DIP2C: variants seen among roughly 807,000 people sequenced by gnomAD.
DIP2C encodes disco-interacting protein 2 homolog C.
Under a neutral mutation model 192.4 loss-of-function variants are expected in DIP2C, and 33 were observed. That is an observed-to-expected ratio of 0.17 (90% CI 0.13 to 0.23). The LOEUF (loss-of-function observed/expected upper bound fraction) is 0.23. DIP2C is among the 10% of genes least tolerant of loss of function. The pLI, the probability that DIP2C is intolerant of heterozygous loss-of-function variation, is 1.00. For missense variants in DIP2C, 1,537 were observed against 2,110.1 expected, an observed-to-expected ratio of 0.73 and a Z score of 5.32; for synonymous variants, 979 against 864.1, an observed-to-expected ratio of 1.13 and a Z score of -2.33.
intron 1 of DIP2C, among the ~76,000 whole-genome samples, chr10:570,817 C>T (rs945293490): frequency 1.3e-5 from 2 of 152,226 alleles, no homozygotes; most frequent in African/African-American, 4.8e-5. Context: ...ACAACATTTC[C>T]ATTTGAAGAA....
intron 10 of DIP2C, among the ~76,000 whole-genome samples, chr10:391,199 G>A (rs1030459950): frequency 6.6e-6 from 1 of 152,222 alleles, no homozygotes; most frequent in African/African-American, 2.4e-5. Context: ...ATAAGACTAT[G>A]ATTATACAAT....
chr10:417,860 T>G lies in DIP2C; in HGVS notation c.739+1205A>C, dbSNP rs866792440. ...CCTGTCCACCTGCACCTGTCAGAGC[T>G]CGGACAGGCCTCCCTGTCCACCTGC... On this transcript the variant is annotated intron_variant, in intron 6 of 36. Coordinates refer to ENST00000280886, the MANE Select transcript of DIP2C (RefSeq NM_014974.3). 9.4e-4 allele frequency among the ~76,000 whole-genome samples: 77 copies of G among 82,340 alleles called. 4 individuals carry two copies. The highest frequency in any genetic ancestry group is 3.4e-3 in the African/African-American group (51 of 15,192). 54.0% of individuals were successfully genotyped at this position (82,340 alleles called of 152,430 possible).
chr10:299,048 A>C (rs1408111591), intron 32 of DIP2C, among the ~76,000 whole-genome samples: 1 of 152,254 alleles, frequency 6.6e-6, no homozygotes. Context: ...CAAGAATGAA[A>C]ACAGTATAAA....
chr10:460,334 T>C (rs1162532612), intron 3 of DIP2C, among the ~76,000 whole-genome samples: 7 of 152,182 alleles, frequency 4.6e-5, no homozygotes, highest in Admixed American at 3.9e-4. Flanking sequence ...TCCAATACAT[T>C]CTAGGTGCTC....
In DIP2C at chr10:281,300, C is replaced by T. The variant is rs1564499793; in HGVS notation, c.4318G>A (p.Val1440Ile). The change falls in exon 36 of 37, where the codon GTA (valine) becomes ATA (isoleucine). Residue 1440 changes from valine to isoleucine, a missense_variant. Coordinates refer to ENST00000280886, the MANE Select transcript of DIP2C (RefSeq NM_014974.3). ...TCCATGGCTTCGTCCAGTGCCCCTA[C>T]CACGTAGAGGGCATCATGGCGCTCT... ...NGERHDALYVVGALDEAMELR... is the reference protein window; with the variant it reads ...NGERHDALYVIGALDEAMELR... The T allele has an allele frequency of 6.2e-7, 1 of 1,614,034 alleles. No individual in the cohort carries two copies. The highest frequency in any genetic ancestry group is 8.5e-7 in the Non-Finnish European group (1 of 1,179,904).
chr10:417,994 AC>A lies in DIP2C; in HGVS notation c.739+1070del, dbSNP rs879248576. On this transcript the variant is annotated intron_variant, in intron 6 of 36. Transcript: ENST00000280886. The stretch of plus-strand genomic sequence containing the variant: ...AGGGCTCGGATAGGCCTCCCTGTCC[AC>A]CTGCACCTGTCAGGGCGCGGACAGG... 1.8e-3 allele frequency among the ~76,000 whole-genome samples: 147 copies of A among 79,942 alleles called. 1 individual carries two copies. Among genetic ancestry groups the A allele is most frequent in the South Asian group, 3.1e-3 (6 of 1,946 alleles). 52.4% of individuals were successfully genotyped at this position (79,942 alleles called of 152,430 possible). A position where few individuals can be genotyped will look rare whatever the true frequency, so the allele number is the denominator to read the frequency against.
chr10:347,968 A>ACCCCACACTCACCCAGACG (rs1958597301), intron 26 of DIP2C, among the ~76,000 whole-genome samples: 1 of 150,582 alleles, frequency 6.6e-6, no homozygotes, highest in African/African-American at 2.5e-5. Flanking sequence ...TCTCCTGGAA[A>ACCCCACACTCACCCAGACG]CGTCACACAC....
intron 1 of DIP2C, among the ~76,000 whole-genome samples, chr10:518,239 C>CCA (rs1238290137): frequency 6.6e-6 from 1 of 152,248 alleles, no homozygotes; most frequent in South Asian, 2.1e-4. Flanking sequence ...TCTGGCAACA[C>CCA]CACCTGCTGC....
intron 1 of DIP2C, among the ~76,000 whole-genome samples, chr10:511,502 T>G (rs192258646): frequency 6.1e-4 from 93 of 152,314 alleles, no homozygotes; most frequent in African/African-American, 2.2e-3. Context: ...CACGGAGAAG[T>G]ATGAGGAAAA....
At position 636,198 on chromosome 10, in the gene DIP2C, A is replaced by ACGGCTCGT. The variant is rs1359527055; in HGVS notation, c.85+53288_85+53295dup. Among the ~76,000 whole-genome samples, 10 of 152,226 alleles carry ACGGCTCGT rather than the reference A, an allele frequency of 6.6e-5. No individual in the cohort carries two copies. Among genetic ancestry groups the ACGGCTCGT allele is most frequent in the South Asian group, 2.1e-4 (1 of 4,826 alleles). The stretch of plus-strand genomic sequence containing the variant: ...ATCCCCACAAGTCGACAGAACACCA[A>ACGGCTCGT]CGGCTCGTCGGCTCGTCGGCTCTTC... On this transcript the variant is annotated intron_variant, in intron 1 of 36. Coordinates refer to ENST00000280886, the MANE Select transcript of DIP2C (RefSeq NM_014974.3). The surrounding 1 kb of genome is among the most constrained non-coding windows in gnomAD (Gnocchi z 4.6).
chr10:414,707 A>ATGTATG (rs1554847954), intron 7 of DIP2C, among the ~76,000 whole-genome samples: 11 of 47,800 alleles, frequency 2.3e-4, no homozygotes, highest in South Asian at 9.3e-4. Context: ...GTGTGTATGT[A>ATGTATG]TGTGTGTGTG....
chr10:415,852 T>C lies in DIP2C; in HGVS notation c.776A>G (p.Gln259Arg), dbSNP rs1286316720. The C allele has an allele frequency of 1.2e-6, 2 of 1,613,774 alleles. No individual in the cohort carries two copies. The highest frequency in any genetic ancestry group is 2.7e-5 in the African/African-American group (2 of 74,792). ...TCGTTTGAGGGTATTGACAAGCTGC[T>C]GGATTTTTGCTGACACCCGGCTACT... is the stretch of plus-strand genomic sequence containing the variant. Reference protein sequence around the residue: ...PVSSRVSAKIQQLVNTLKRPK... With the variant: ...PVSSRVSAKIRQLVNTLKRPK... Residue 259 changes from glutamine to arginine, a missense_variant, in exon 7 of 37, where the codon CAG (glutamine) becomes CGG (arginine). Around this residue, in one of 4 missense-constraint regions of DIP2C, gnomAD observed 473 missense variants for 539.6 expected, o/e 0.88. Transcript: ENST00000280886.
intron 1 of DIP2C, among the ~76,000 whole-genome samples, chr10:497,079 G>A (rs537306882): frequency 1.2e-4 from 19 of 152,220 alleles, no homozygotes; most frequent in Admixed American, 3.9e-4. Flanking sequence ...AGCTGAGATC[G>A]TGCCACTGCA....
At position 417,660 on chromosome 10, in the gene DIP2C, TCC is replaced by T. The variant is rs1564684615; in HGVS notation, c.739+1403_739+1404del. Among the ~76,000 whole-genome samples, 56 of 12,132 alleles carry T rather than the reference TCC, an allele frequency of 4.6e-3. 2 individuals are homozygous for T. Among genetic ancestry groups the T allele is most frequent in the Admixed American group, 0.024 (25 of 1,050 alleles). The allele number at this position is 12,132 out of a possible 152,430, so 8.0% of individuals were successfully genotyped here. On this transcript the variant is annotated intron_variant, in intron 6 of 36. Transcript: ENST00000280886. ...CGGATAGGCCTCCCTGTCCACCTGT[TCC>T]TGTCAGGGCTCGGATAGGCCTCCCT...
chr10:688,220 A>C (rs1404070132), intron 1 of DIP2C, among the ~76,000 whole-genome samples: 2 of 152,148 alleles, frequency 1.3e-5, no homozygotes, highest in Admixed American at 1.3e-4. Context: ...GCAGCAGCCA[A>C]GCCCACAGGC....
chr10:654,483 C>T (rs1021305364), intron 1 of DIP2C, among the ~76,000 whole-genome samples: 2 of 152,190 alleles, frequency 1.3e-5, no homozygotes, highest in African/African-American at 4.8e-5. Context: ...ACTGTAGAGA[C>T]GTCATCAGTG....
chr10:562,112 G>C (rs1849251042), intron 1 of DIP2C, among the ~76,000 whole-genome samples: 1 of 152,188 alleles, frequency 6.6e-6, no homozygotes, highest in South Asian at 2.1e-4. Context: ...CTACTCCAAA[G>C]GCTTTTTGTT....
chr10:393,778 C>CAAAAAAAAAAAAAAAAAAAAAA (rs34390976), intron 10 of DIP2C, among the ~76,000 whole-genome samples: 2 of 66,650 alleles, frequency 3.0e-5, no homozygotes, highest in Admixed American at 2.1e-4. Flanking sequence ...GACTCCGTCT[C>CAAAAAAAAAAAAAAAAAAAAAA]AAAAAAAAAA....
In DIP2C at chr10:534,231, C is replaced by A. The variant is rs182681101; in HGVS notation, c.86-47701G>T. Among the ~76,000 whole-genome samples the A allele has an allele frequency of 6.6e-5, 10 of 152,334 alleles. No individual in the cohort carries two copies. In the East Asian group the frequency reaches 1.7e-3, roughly 27 times the overall value. On this transcript the variant is annotated intron_variant, in intron 1 of 36. Transcript: ENST00000280886. ...AACTCCCACCCATGCTGGAGAATCA[C>A]CCCGGGGACGTGCGAAACGGGGAGG...
Sources: gnomAD v4.1 joint callset for allele counts (sites outside exome capture counted in the v4.1 genomes callset) on GRCh38, gnomAD v4.1.1 for gene constraint, gnomAD v4.1.1 regional missense constraint, Gnocchi (gnomAD v3.1) non-coding constraint, MANE v1.5 for transcripts, NCBI Gene and HGNC (gene_info 2026-07-23, HGNC 2026-07-21) for gene names.